The following PRELID2 variants were observed in gnomAD, a reference collection of about 807,000 sequenced individuals.
PRELID2 encodes PRELI domain-containing protein 2.
A neutral mutation model predicts 28.4 loss-of-function variants in PRELID2; 25 were observed. The ratio of observed to expected loss-of-function variants is 0.88; its 90% CI spans 0.64 to 1.23. The LOEUF (loss-of-function observed/expected upper bound fraction) is 1.23. PRELID2 is among the 50% of genes most tolerant of loss of function. The probability of loss-of-function intolerance (pLI) is 0.00; values close to 1 mark genes in which losing one functional copy is unlikely to be tolerated. For synonymous variants in PRELID2, 76 were observed against 71.6 expected, an observed-to-expected ratio of 1.06 and a Z score of -0.31; for missense variants, 201 against 214.4, an observed-to-expected ratio of 0.94 and a Z score of 0.39.
chr5:145,742,131 TAAA>T (rs1756829129), intron 1 of PRELID2, among the ~76,000 whole-genome samples: 1 of 5,336 alleles, frequency 1.9e-4, no homozygotes, highest in African/African-American at 3.2e-4. Context: ...TTATTAATTA[TAAA>T]TAAATAAATT....
the PRELID2 span, among the ~76,000 whole-genome samples, chr5:145,282,801 G>T: frequency 4.6e-5 from 7 of 152,154 alleles, no homozygotes; most frequent in Non-Finnish European, 1.0e-4. Context: ...TTACAGGCAT[G>T]AGCCACCACG....
intron 5 of PRELID2, among the ~76,000 whole-genome samples, chr5:145,772,966 G>A (rs6580385): frequency 0.069 from 10,482 of 152,136 alleles, 810 homozygotes; most frequent in African/African-American, 0.19. Flanking sequence ...TCCCATAGTA[G>A]CTAATAAACT....
chr5:145,528,407 G>A (rs1752626523), intron 1 of PRELID2, among the ~76,000 whole-genome samples: 1 of 152,066 alleles, frequency 6.6e-6, no homozygotes, highest in Admixed American at 6.6e-5. Context: ...TATAATGACG[G>A]AAGCTGGCAG....
At chr5:145,458,081 ACT>A in the PRELID2 span, among the ~76,000 whole-genome samples, 1 of 152,200 alleles carries the variant, frequency 6.6e-6, no homozygotes, top group Non-Finnish European at 1.5e-5. Flanking sequence ...GACATCTATC[ACT>A]CTACTAACAC....
chr5:145,803,436 G>A (rs1301039301), intron 4 of PRELID2, among the ~76,000 whole-genome samples: 2 of 151,860 alleles, frequency 1.3e-5, no homozygotes, highest in East Asian at 1.9e-4. Flanking sequence ...ACATATACAT[G>A]CCTTTAAGAC....
At chr5:145,631,228 C>T (rs1753927853) in intron 1 of PRELID2, among the ~76,000 whole-genome samples, 1 of 152,172 alleles carries the variant, frequency 6.6e-6, no homozygotes, top group African/African-American at 2.4e-5. Flanking sequence ...TGTTATCACA[C>T]AACAAAGTCT....
chr5:145,657,285 A>G (rs568892482), intron 1 of PRELID2, among the ~76,000 whole-genome samples: 16 of 152,336 alleles, frequency 1.1e-4, no homozygotes, highest in African/African-American at 3.8e-4. Flanking sequence ...TTTTTAAAAT[A>G]GAAAATCAAC....
chr5:145,281,876 G>A, the PRELID2 span, among the ~76,000 whole-genome samples: 4 of 152,116 alleles, frequency 2.6e-5, no homozygotes, highest in African/African-American at 9.7e-5. Context: ...CATTGGCTAT[G>A]TCATATTAGA....
chr5:145,371,888 A>T, the PRELID2 span, among the ~76,000 whole-genome samples: 1 of 75,286 alleles, frequency 1.3e-5, no homozygotes, highest in Non-Finnish European at 2.8e-5. Context: ...TGTTAATTTA[A>T]AAAAAAAAAA....
chr5:145,341,199 G>GA, the PRELID2 span, among the ~76,000 whole-genome samples: 154 of 144,822 alleles, frequency 1.1e-3, no homozygotes, highest in East Asian at 3.2e-3. Flanking sequence ...AACAAGAAAA[G>GA]AAAAAAAAAA....
the PRELID2 span, among the ~76,000 whole-genome samples, chr5:145,286,850 C>T: frequency 6.6e-6 from 1 of 151,788 alleles, no homozygotes; most frequent in Non-Finnish European, 1.5e-5. Context: ...GCTGGGATTA[C>T]AGGCATGTGC....
At chr5:145,230,991 C>T in the PRELID2 span, among the ~76,000 whole-genome samples, 1 of 152,172 alleles carries the variant, frequency 6.6e-6, no homozygotes, top group Admixed American at 6.5e-5. Flanking sequence ...ACCCTTATGT[C>T]AAACATTACA....
At chr5:145,250,629 G>A in the PRELID2 span, among the ~76,000 whole-genome samples, 1 of 152,112 alleles carries the variant, frequency 6.6e-6, no homozygotes, top group Non-Finnish European at 1.5e-5. Flanking sequence ...AGTGGCAAGA[G>A]GTAGTGGTTA....
the PRELID2 span, among the ~76,000 whole-genome samples, chr5:145,459,957 C>T: frequency 1.3e-5 from 2 of 151,892 alleles, no homozygotes; most frequent in Non-Finnish European, 2.9e-5. Context: ...CTACAGGGGG[C>T]ATGCCACCAC....
chr5:145,655,761 A>G (rs184255235), intron 1 of PRELID2, among the ~76,000 whole-genome samples: 2,034 of 152,316 alleles, frequency 0.013, 37 homozygotes, highest in African/African-American at 0.047. Flanking sequence ...AAGATGCATT[A>G]AAGACTTAAA....
chr5:145,723,317 C>T (rs1009070106), intron 1 of PRELID2, among the ~76,000 whole-genome samples: 7 of 152,136 alleles, frequency 4.6e-5, no homozygotes, highest in African/African-American at 1.7e-4. Flanking sequence ...AAAAACACTA[C>T]AGAAACGTGC....
At chr5:145,447,605 A>T in the PRELID2 span, among the ~76,000 whole-genome samples, 31 of 121,720 alleles carry the variant, frequency 2.5e-4, no homozygotes, top group African/African-American at 9.5e-4. Context: ...ATATCTCCCG[A>T]TGCTATCCCT....
chr5:145,829,377 C>G (rs1755433919), intron 1 of PRELID2, among the ~76,000 whole-genome samples: 1 of 152,096 alleles, frequency 6.6e-6, no homozygotes, highest in African/African-American at 2.4e-5. Context: ...TCTGAGGCCA[C>G]TTCTCTCAGC....
At chr5:145,399,984 C>T in the PRELID2 span, among the ~76,000 whole-genome samples, 1,874 of 151,916 alleles carry the variant, frequency 0.012, 37 homozygotes, top group African/African-American at 0.043. Context: ...CATAGGAATT[C>T]AAAATGAGAT....
Sources: allele counts gnomAD v4.1 joint callset (sites outside exome capture counted in the v4.1 genomes callset), GRCh38; gene constraint gnomAD v4.1.1; transcripts MANE v1.5; gene names NCBI Gene and HGNC (gene_info 2026-07-23, HGNC 2026-07-21).